ZNF215: variants seen among roughly 807,000 people sequenced by gnomAD.
The protein encoded by ZNF215 is zinc finger protein 215.
A neutral mutation model predicts 27.2 loss-of-function variants in ZNF215; 24 were observed. The observed-to-expected ratio is 0.88, with a 90% confidence interval of 0.64 to 1.24. ZNF215 has a LOEUF of 1.24. Among genes scored for constraint, ZNF215 ranks in the 50% most tolerant of loss-of-function variants. The pLI, the probability that ZNF215 is intolerant of heterozygous loss-of-function variation, is 0.00. For synonymous variants in ZNF215, 210 were observed against 204.0 expected, an observed-to-expected ratio of 1.03 and a Z score of -0.25; for missense variants, 675 against 605.7, an observed-to-expected ratio of 1.11 and a Z score of -1.20.
At chr11:6,975,715 A>G (rs1266728356) in intron 5 of ZNF215, among the ~76,000 whole-genome samples, 1 of 152,048 alleles carries the variant, frequency 6.6e-6, no homozygotes, top group Non-Finnish European at 1.5e-5. Flanking sequence ...ACGCCATTGT[A>G]TATATGTACC....
intron 5 of ZNF215, among the ~76,000 whole-genome samples, chr11:6,983,602 G>A (rs916121236): frequency 6.6e-6 from 1 of 151,926 alleles, no homozygotes; most frequent in Admixed American, 6.6e-5. Context: ...TTAAATATGA[G>A]AACTAAAATA....
intron 5 of ZNF215, among the ~76,000 whole-genome samples, chr11:6,974,899 G>A (rs1450007837): frequency 6.6e-6 from 1 of 152,074 alleles, no homozygotes; most frequent in Non-Finnish European, 1.5e-5. Context: ...TCTCCTGCCT[G>A]ATTGCCCTGG....
At position 6,956,324 on chromosome 11, in the gene ZNF215, C is replaced by T. The variant is rs745338124; in HGVS notation, c.1347C>T (p.Asp449=). 1.1e-5 allele frequency: 17 copies of T among 1,613,984 alleles called. No individual in the cohort carries two copies. The highest frequency in any genetic ancestry group is 1.4e-5 in the Non-Finnish European group (17 of 1,180,012). ...GAAAGGCCTTCAGTAAAAGTGAAGA[C>T]AGTAATAATCCAACACTCCATTTTG... ...KCGKAFSKSE[D]SNNPTLHFGN... is the part of the protein sequence containing the mutation. Residue 449 remains aspartate, a synonymous_variant, in exon 7 of 7, where the codon GAC becomes GAT. Transcript: ENST00000278319.
intron 6 of ZNF215, among the ~76,000 whole-genome samples, chr11:6,951,734 T>C (rs1354208786): frequency 6.6e-6 from 1 of 152,166 alleles, no homozygotes; most frequent in African/African-American, 2.4e-5. Flanking sequence ...TCTATTTCCT[T>C]CAGTTCTGCT....
intron 5 of ZNF215, among the ~76,000 whole-genome samples, chr11:6,981,986 G>C (rs1038195960): frequency 6.6e-6 from 1 of 152,142 alleles, no homozygotes; most frequent in Non-Finnish European, 1.5e-5. Context: ...TTTGGTACCA[G>C]TACCATGCTG....
intron 5 of ZNF215, among the ~76,000 whole-genome samples, chr11:6,972,601 A>C (rs1850739949): frequency 1.3e-5 from 2 of 152,194 alleles, no homozygotes; most frequent in African/African-American, 4.8e-5. Flanking sequence ...ATTTTAATAA[A>C]TGGATTTTAA....
At chr11:6,968,366 T>A (rs918237917) in intron 5 of ZNF215, among the ~76,000 whole-genome samples, 1 of 152,154 alleles carries the variant, frequency 6.6e-6, no homozygotes, top group African/African-American at 2.4e-5. Flanking sequence ...ATATATAAAT[T>A]ACGTTGGGCG....
At chr11:6,987,442 C>G (rs149415346), downstream of ZNF215, among the ~76,000 whole-genome samples, 1 of 152,218 alleles carries the variant, frequency 6.6e-6, no homozygotes, top group African/African-American at 2.4e-5. Flanking sequence ...AACTGGATGA[C>G]ACATTAATTT....
chr11:6,943,687 C>A, intron 6 of ZNF215, 46 bp downstream of exon 6: 2 of 1,418,744 alleles, frequency 1.4e-6, no homozygotes, highest in Non-Finnish European at 9.9e-7. Context: ...GCTTCTGTTT[C>A]CTAAACATAC....
chr11:6,955,765 C>T lies in ZNF215; in HGVS notation c.788C>T (p.Ser263Phe), dbSNP rs11041115. The T allele has an allele frequency of 4.9e-3, 7,909 of 1,611,540 alleles. 546 individuals are homozygous for T. In the East Asian group the frequency reaches 0.15, roughly 31 times the overall value. The change falls in exon 7 of 7, where the codon TCT (serine) becomes TTT (phenylalanine). Residue 263 changes from serine (S) to phenylalanine (F), a missense_variant. Coordinates refer to ENST00000278319, the MANE Select transcript of ZNF215 (RefSeq NM_013250.4). The part of the protein sequence containing the change: ...MTRLTESGHP[S>F]SDAWKGENWL... ...AGGCTTACCGAAAGTGGACACCCTT[C>T]TTCAGATGCCTGGAAAGGTGAGAAT...
intron 2 of ZNF215, among the ~76,000 whole-genome samples, chr11:6,930,097 C>CTTTTTTTTTTTTTT (rs368895026): frequency 7.1e-6 from 1 of 140,090 alleles, no homozygotes; most frequent in Non-Finnish European, 1.6e-5. Flanking sequence ...GTTTCAGTTT[C>CTTTTTTTTTTTTTT]TTTTTTTTTT....
Position 6,937,486 on chromosome 11 carries a change from CTTTTTTT to C in ZNF215, c.401-4067_401-4061del, listed in dbSNP as rs57676890. Among the ~76,000 whole-genome samples the C allele has an allele frequency of 8.7e-4, 103 of 118,908 alleles. 2 individuals are homozygous for C. The highest frequency in any genetic ancestry group is 1.2e-3 in the East Asian group (5 of 4,236). The allele number at this position is 118,908 out of a possible 152,430, so 78.0% of individuals were successfully genotyped here. A position where few individuals can be genotyped will look rare whatever the true frequency, so the allele number is the denominator to read the frequency against. ...GCAATCCCTATCAAAATCTCAGCTG[CTTTTTTT>C]TTTTTTTTTTTTTTTTTGTCAGAAA... On this transcript the variant is annotated intron_variant, in intron 3 of 6. Coordinates refer to ENST00000278319, the MANE Select transcript of ZNF215 (RefSeq NM_013250.4).
At chr11:6,951,024 CT>C (rs1478604241) in intron 6 of ZNF215, among the ~76,000 whole-genome samples, 7 of 151,968 alleles carry the variant, frequency 4.6e-5, no homozygotes, top group Non-Finnish European at 4.4e-5. Flanking sequence ...TGTTTATATG[CT>C]GGATTACATT....
At position 6,949,017 on chromosome 11, in the gene ZNF215, C is replaced by T. The variant is rs373472315; in HGVS notation, c.712+5376C>T. ...TGCAGTGTTTGGTTTTTTGTCCTTG[C>T]GATAGTTTACTGAGAATGATGATTT... On this transcript the variant is annotated intron_variant, in intron 6 of 6. Coordinates refer to ENST00000278319, the MANE Select transcript of ZNF215 (RefSeq NM_013250.4). 6.6e-3 allele frequency among the ~76,000 whole-genome samples: 988 copies of T among 149,554 alleles called. 7 individuals carry two copies. Among genetic ancestry groups the T allele is most frequent in the African/African-American group, 0.02 (818 of 40,668 alleles).
chr11:6,993,263 C>T (rs1234251894), downstream of ZNF215, among the ~76,000 whole-genome samples: 6 of 152,166 alleles, frequency 3.9e-5, no homozygotes, highest in Middle Eastern at 3.2e-3. Flanking sequence ...CTGTACTCTG[C>T]AACTCGCCTT....
At chr11:6,952,096 G>A (rs939610260) in intron 6 of ZNF215, among the ~76,000 whole-genome samples, 4 of 152,108 alleles carry the variant, frequency 2.6e-5, no homozygotes, top group Admixed American at 6.5e-5. Context: ...GTGGTCTGAG[G>A]GACAGTTTGT....
chr11:6,985,694 G>T (rs1014846056), downstream of ZNF215, among the ~76,000 whole-genome samples: 4 of 152,104 alleles, frequency 2.6e-5, no homozygotes, highest in Non-Finnish European at 5.9e-5. Flanking sequence ...AAAGTTTCAG[G>T]ATACAAAATC....
At chr11:6,978,028 T>C (rs983269479) in intron 5 of ZNF215, among the ~76,000 whole-genome samples, 4 of 152,070 alleles carry the variant, frequency 2.6e-5, no homozygotes, top group African/African-American at 9.7e-5. Context: ...TTCAATCCCA[T>C]CAGTGTAATG....
At chr11:6,975,563 C>A (rs539496604) in intron 5 of ZNF215, among the ~76,000 whole-genome samples, 2 of 151,924 alleles carry the variant, frequency 1.3e-5, no homozygotes, top group Non-Finnish European at 2.9e-5. Flanking sequence ...CTATTCTCTA[C>A]GTCCGTGAGT....
Sources: allele counts gnomAD v4.1 joint callset (sites outside exome capture counted in the v4.1 genomes callset), GRCh38; gene constraint gnomAD v4.1.1; transcripts MANE v1.5; gene names NCBI Gene and HGNC (gene_info 2026-07-23, HGNC 2026-07-21).